BLTP1: variants seen among roughly 807,000 people sequenced by gnomAD.
BLTP1 encodes the protein bridge-like lipid transfer protein family member 1, also known as fragile site-associated protein.
the BLTP1 span, chr4:122,316,402 C>T: frequency 8.2e-5 from 39 of 475,798 alleles, 2 homozygotes; most frequent in East Asian, 4.7e-4. Context: ...CTTTGGGCAG[C>T]GACTTGTAAA....
the BLTP1 span, chr4:122,190,398 G>GT: frequency 7.6e-4 from 730 of 956,856 alleles, no homozygotes; most frequent in East Asian, 1.4e-3. Context: ...TGCCTGGCCT[G>GT]TTTTTTTTTA....
At chr4:122,167,609 A>G in the BLTP1 span, 1 of 967,636 alleles carries the variant, frequency 1.0e-6, no homozygotes, top group Non-Finnish European at 1.2e-6. Context: ...CTCAGGCTCC[A>G]GCATCCTGTG....
the BLTP1 span, chr4:122,299,881 A>G: frequency 2.0e-6 from 2 of 984,964 alleles, no homozygotes; most frequent in African/African-American, 1.7e-5. Context: ...TGTAATCTGT[A>G]TGCTGTATAT....
chr4:122,329,774 C>A, the BLTP1 span, among the ~76,000 whole-genome samples: 1 of 151,738 alleles, frequency 6.6e-6, no homozygotes, highest in Admixed American at 6.6e-5. Context: ...CCTCTTAACA[C>A]CTTTTTAAGT....
chr4:122,183,385 T>C, the BLTP1 span: 2 of 915,606 alleles, frequency 2.2e-6, no homozygotes, highest in Non-Finnish European at 1.3e-6. Flanking sequence ...TTCTGCACTC[T>C]AGAAATTCTA....
chr4:122,207,727 C>A, the BLTP1 span: 2 of 1,109,674 alleles, frequency 1.8e-6, no homozygotes, highest in Non-Finnish European at 2.5e-6. Flanking sequence ...TCTCCCCAGT[C>A]CATTGCAACT....
chr4:122,266,145 T>C, the BLTP1 span, among the ~76,000 whole-genome samples: 1 of 152,154 alleles, frequency 6.6e-6, no homozygotes, highest in Non-Finnish European at 1.5e-5. Context: ...GTCAGAGTGA[T>C]TTTAGTGCTC....
the BLTP1 span, among the ~76,000 whole-genome samples, chr4:122,245,445 A>G: frequency 6.6e-6 from 1 of 152,124 alleles, no homozygotes; most frequent in Non-Finnish European, 1.5e-5. Context: ...ATTCTTTAGG[A>G]CTGACACCTT....
At chr4:122,356,812 T>G in the BLTP1 span, 1 of 1,571,202 alleles carries the variant, frequency 6.4e-7, no homozygotes, top group Non-Finnish European at 8.6e-7. Context: ...TCAATGCCAT[T>G]TACATGAATT....
the BLTP1 span, chr4:122,214,552 A>G: frequency 1.1e-6 from 1 of 935,796 alleles, no homozygotes; most frequent in Non-Finnish European, 1.3e-6. Context: ...GCCGTAATGT[A>G]TTACCATCTA....
the BLTP1 span, chr4:122,343,378 C>A: frequency 6.2e-7 from 1 of 1,604,162 alleles, no homozygotes; most frequent in Non-Finnish European, 8.5e-7. Flanking sequence ...TTTCTTGTAG[C>A]TTATATTTTC....
the BLTP1 span, among the ~76,000 whole-genome samples, chr4:122,180,916 CTAAG>C: frequency 6.6e-6 from 1 of 152,116 alleles, no homozygotes; most frequent in Non-Finnish European, 1.5e-5. Flanking sequence ...GCTAAAACCT[CTAAG>C]TAATAAAATA....
chr4:122,197,053 G>T, the BLTP1 span: 1 of 553,114 alleles, frequency 1.8e-6, no homozygotes. Flanking sequence ...TGTATTTTTG[G>T]TAAAAATTTG....
At chr4:122,258,677 A>G in the BLTP1 span, 3 of 1,602,554 alleles carry the variant, frequency 1.9e-6, no homozygotes, top group African/African-American at 1.3e-5. Flanking sequence ...TCTATTGCTC[A>G]CTTATTCTTT....
chr4:122,204,997 A>G, the BLTP1 span: 2 of 157,624 alleles, frequency 1.3e-5, no homozygotes, highest in Non-Finnish European at 2.7e-5. Context: ...TATCTCATTA[A>G]TATTAATTTG....
chr4:122,206,577 A>G, the BLTP1 span, among the ~76,000 whole-genome samples: 1 of 151,952 alleles, frequency 6.6e-6, no homozygotes, highest in African/African-American at 2.4e-5. Context: ...ATAATACATG[A>G]TAATATATAT....
chr4:122,323,075 C>T, the BLTP1 span, among the ~76,000 whole-genome samples: 11 of 152,204 alleles, frequency 7.2e-5, no homozygotes, highest in East Asian at 1.2e-3. Context: ...GTTTTTAACT[C>T]TCAGACTTGT....
chr4:122,342,366 T>TTTA, the BLTP1 span, among the ~76,000 whole-genome samples: 904 of 145,436 alleles, frequency 6.2e-3, 3 homozygotes, highest in Middle Eastern at 0.017. Context: ...TTATTTATTT[T>TTTA]TTTTTTTGAG....
the BLTP1 span, among the ~76,000 whole-genome samples, chr4:122,212,979 T>C: frequency 6.6e-6 from 1 of 152,204 alleles, no homozygotes; most frequent in Non-Finnish European, 1.5e-5. Context: ...TCTAGCCCAA[T>C]GAACGCTATG....
Sources: allele counts gnomAD v4.1 joint callset (sites outside exome capture counted in the v4.1 genomes callset), GRCh38; gene constraint gnomAD v4.1.1; transcripts MANE v1.5; gene names NCBI Gene and HGNC (gene_info 2026-07-23, HGNC 2026-07-21).